Variants in FAM227B observed in about 807,000 individuals in gnomAD.
FAM227B encodes the protein protein FAM227B.
A neutral mutation model predicts 73.8 loss-of-function variants in FAM227B; 88 were observed. That is an observed-to-expected ratio of 1.19 (90% CI 1.00 to 1.42). FAM227B has a LOEUF of 1.42. FAM227B is among the 40% of genes most tolerant of loss of function. FAM227B has a pLI of 0.00. For missense variants in FAM227B, 632 were observed against 590.9 expected (o/e 1.07, Z -0.72); for synonymous variants, 210 against 190.5 (o/e 1.10, Z -0.84).
chr15:49,602,770 T>C (rs1384610813), intron 3 of FAM227B, among the ~76,000 whole-genome samples: 2 of 152,212 alleles, frequency 1.3e-5, no homozygotes, highest in Non-Finnish European at 2.9e-5. Context: ...AGTAGTTTCA[T>C]AGTTTGAGAT....
At chr15:49,496,930 G>GTC (rs1396369325) in intron 11 of FAM227B, among the ~76,000 whole-genome samples, 4 of 145,124 alleles carry the variant, frequency 2.8e-5, no homozygotes, top group Non-Finnish European at 5.9e-5. Flanking sequence ...TATACACAAA[G>GTC]TCACACACAC....
chr15:49,510,142 A>T (rs1431866395), intron 10 of FAM227B, among the ~76,000 whole-genome samples: 1 of 152,144 alleles, frequency 6.6e-6, no homozygotes, highest in Non-Finnish European at 1.5e-5. Flanking sequence ...CCAACTAGGG[A>T]AGATAAAGAT....
At chr15:49,484,552 A>G in intron 11 of FAM227B, 1 of 985,102 alleles carries the variant, frequency 1.0e-6, no homozygotes, top group Non-Finnish European at 1.4e-6. Context: ...GATTTCTTTA[A>G]GTGGACTGTT....
At chr15:49,419,159 G>T (rs547517138) in intron 11 of FAM227B, among the ~76,000 whole-genome samples, 2 of 152,130 alleles carry the variant, frequency 1.3e-5, no homozygotes, top group African/African-American at 4.8e-5. Flanking sequence ...GGACCTATTT[G>T]TTCAGACACA....
rs1555505099 is a variant in FAM227B at position 49,489,909 on chromosome 15, G to GAGAC, written c.1012+18301_1012+18302insGTCT. On this transcript the variant is annotated intron_variant, in intron 11 of 15. Transcript: ENST00000299338. The stretch of plus-strand genomic sequence containing the variant: ...AGAGAGAGAGAGAGAGAGAGAGAGA[G>GAGAC]AGAGACAGAGAGAGAGACAGAGAGA... Among the ~76,000 whole-genome samples the GAGAC allele has an allele frequency of 2.1e-4, 11 of 53,150 alleles. 2 individuals carry two copies. Among genetic ancestry groups the GAGAC allele is most frequent in the South Asian group, 6.7e-4 (1 of 1,502 alleles). The allele number at this position is 53,150 out of a possible 152,430, so 34.9% of individuals were successfully genotyped here. A position where few individuals can be genotyped will look rare whatever the true frequency, so the allele number is the denominator to read the frequency against.
intron 13 of FAM227B, chr15:49,353,976 A>C (rs945043539): frequency 4.6e-5 from 7 of 152,210 alleles, no homozygotes; most frequent in African/African-American, 1.4e-4. Context: ...CATGTGATGA[A>C]GATTATTGGA....
At chr15:49,372,193 TATAA>T (rs1484576460) in intron 11 of FAM227B, among the ~76,000 whole-genome samples, 4 of 146,794 alleles carry the variant, frequency 2.7e-5, no homozygotes, top group African/African-American at 1.0e-4. Flanking sequence ...AAAATTCACT[TATAA>T]ATAAATGAAA....
chr15:49,329,806 T>TAAAAAAAAA (rs558009170), intron 15 of FAM227B: 1 of 688,248 alleles, frequency 1.5e-6, no homozygotes, highest in Non-Finnish European at 1.8e-6. Flanking sequence ...TGGATCAGTG[T>TAAAAAAAAA]AAAAAAAAAA....
At chr15:49,362,187 T>C (rs1596542735) in intron 13 of FAM227B, among the ~76,000 whole-genome samples, 1 of 152,124 alleles carries the variant, frequency 6.6e-6, no homozygotes, top group African/African-American at 2.4e-5. Flanking sequence ...TCCCCATGTG[T>C]TGGGGGAGGG....
chr15:49,604,318 G>T (rs1191382641), intron 3 of FAM227B, among the ~76,000 whole-genome samples: 1 of 151,438 alleles, frequency 6.6e-6, no homozygotes, highest in Non-Finnish European at 1.5e-5. Flanking sequence ...TTGAAGGAGA[G>T]CCTTGCCAGG....
intron 13 of FAM227B, chr15:49,353,781 T>G (rs546552415): frequency 6.8e-6 from 1 of 146,888 alleles, no homozygotes; most frequent in Admixed American, 6.8e-5. Flanking sequence ...CTGGATTAGT[T>G]GTTTTTTTCA....
At chr15:49,536,758 T>C (rs1026691861) in intron 10 of FAM227B, among the ~76,000 whole-genome samples, 1 of 151,768 alleles carries the variant, frequency 6.6e-6, no homozygotes, top group Non-Finnish European at 1.5e-5. Context: ...CAGAAATAAA[T>C]GACAAACATA....
chr15:49,542,761 A>AAT (rs2071263392), intron 9 of FAM227B, among the ~76,000 whole-genome samples: 1 of 150,484 alleles, frequency 6.6e-6, no homozygotes, highest in Non-Finnish European at 1.5e-5. Flanking sequence ...TAATATTTTT[A>AAT]ACTTTTATTT....
At chr15:49,404,660 C>A (rs2048396683) in intron 11 of FAM227B, among the ~76,000 whole-genome samples, 1 of 151,904 alleles carries the variant, frequency 6.6e-6, no homozygotes, top group African/African-American at 2.4e-5. Flanking sequence ...GGTGTCATTG[C>A]ATGTGAGATG....
chr15:49,365,900 T>G, intron 13 of FAM227B: 4 of 966,860 alleles, frequency 4.1e-6, no homozygotes, highest in Non-Finnish European at 6.8e-6. Context: ...GCAAGAGAGT[T>G]GTACAGACTC....
At chr15:49,496,105 G>A (rs1374644027) in intron 11 of FAM227B, among the ~76,000 whole-genome samples, 1 of 151,992 alleles carries the variant, frequency 6.6e-6, no homozygotes, top group Non-Finnish European at 1.5e-5. Context: ...AAAGCATCTG[G>A]CTATTACTTT....
chr15:49,611,115 T>C, intron 3 of FAM227B, 100 bp downstream of exon 3: 1 of 696,814 alleles, frequency 1.4e-6, no homozygotes, highest in South Asian at 2.0e-5. Context: ...AACATATTTC[T>C]GAAATTTCTA....
At chr15:49,453,944 A>G (rs1199367353) in intron 11 of FAM227B, among the ~76,000 whole-genome samples, 1 of 152,124 alleles carries the variant, frequency 6.6e-6, no homozygotes, top group Non-Finnish European at 1.5e-5. Context: ...ATTTTTAATC[A>G]CCAAGTCCTA....
chr15:49,469,914 A>G (rs947646785), intron 11 of FAM227B, among the ~76,000 whole-genome samples: 3 of 152,162 alleles, frequency 2.0e-5, no homozygotes, highest in Non-Finnish European at 4.4e-5. Context: ...GAGAAAATGT[A>G]AATCCACATC....
Sources: allele counts gnomAD v4.1 joint callset (sites outside exome capture counted in the v4.1 genomes callset), GRCh38; gene constraint gnomAD v4.1.1; transcripts MANE v1.5; gene names NCBI Gene and HGNC (gene_info 2026-07-23, HGNC 2026-07-21).